Variants in PPP2R2C observed in about 807,000 individuals in gnomAD.
PPP2R2C encodes the protein protein phosphatase 2, regulatory subunit B, gamma.
Under a neutral mutation model 45.3 loss-of-function variants are expected in PPP2R2C, and 10 were observed. The observed-to-expected ratio is 0.22, with a 90% CI of 0.14 to 0.37. PPP2R2C has a LOEUF of 0.37. Among genes scored for constraint, PPP2R2C ranks in the 10% least tolerant of loss-of-function variants. The pLI is 1.00. For missense variants in PPP2R2C, 308 were observed against 619.7 expected, an observed-to-expected ratio of 0.50 and a Z score of 5.34; for synonymous variants, 257 against 245.4, an observed-to-expected ratio of 1.05 and a Z score of -0.44.
In PPP2R2C at chr4:6,329,266, C is replaced by T. The variant is rs1453968502; in HGVS notation, c.1048G>A (p.Asp350Asn). The T allele has an allele frequency of 6.2e-7, 1 of 1,613,866 alleles. No homozygotes were observed. The highest frequency in any genetic ancestry group is 8.5e-7 in the Non-Finnish European group (1 of 1,179,778). ...DKFECAWNGS[D>N]SVIMTGAYNN... ...CGGGCTGAGGTCAGGGCTTACCTGT[C>T]GCTCCCGTTCCAGGCACATTCAAAC... The change falls in exon 8 of 9, where the codon GAC becomes AAC. Residue 350 changes from aspartate (D) to asparagine (N), a missense_variant. Transcript: ENST00000382599. The surrounding 1 kb of genome is among the most constrained non-coding windows in gnomAD (Gnocchi z 5.8).
At chr4:6,510,990 C>CAA (rs1389589810) in intron 2 of PPP2R2C, among the ~76,000 whole-genome samples, 42 of 130,894 alleles carry the variant, frequency 3.2e-4, no homozygotes, top group Middle Eastern at 7.7e-3. Flanking sequence ...CAAAAAAAAA[C>CAA]AAACAAACAA....
chr4:6,412,456 C>G (rs904660991), intron 1 of PPP2R2C, among the ~76,000 whole-genome samples: 15 of 152,162 alleles, frequency 9.9e-5, no homozygotes, highest in Admixed American at 6.5e-5. Context: ...CTATTTCTAT[C>G]TCCCTGACAC....
chr4:6,413,260 C>T (rs969933132), intron 1 of PPP2R2C, among the ~76,000 whole-genome samples: 3 of 139,766 alleles, frequency 2.1e-5, no homozygotes, highest in East Asian at 3.1e-4. Flanking sequence ...GTCATGTACT[C>T]GCACACACAT....
chr4:6,420,950 C>T (rs1324248313), intron 1 of PPP2R2C: 5 of 985,236 alleles, frequency 5.1e-6, no homozygotes, highest in Non-Finnish European at 6.0e-6. Context: ...ACCTACCAGG[C>T]AGGCCTCAGA....
chr4:6,460,374 G>A (rs1333051133), intron 1 of PPP2R2C, among the ~76,000 whole-genome samples: 1 of 152,088 alleles, frequency 6.6e-6, no homozygotes, highest in African/African-American at 2.4e-5. Context: ...CAAGGAGAGG[G>A]GCCTCAGAAG....
chr4:6,503,877 C>T (rs1190677109), intron 2 of PPP2R2C, among the ~76,000 whole-genome samples: 1 of 151,930 alleles, frequency 6.6e-6, no homozygotes, highest in Non-Finnish European at 1.5e-5. Context: ...ACCAACCCTC[C>T]CACAAATAAC....
intron 1 of PPP2R2C, among the ~76,000 whole-genome samples, chr4:6,398,793 G>A (rs1051714557): frequency 3.9e-5 from 6 of 152,224 alleles, no homozygotes; most frequent in Non-Finnish European, 4.4e-5. Flanking sequence ...GCATACGTAC[G>A]TGTTCATAGC....
At chr4:6,535,887 T>G (rs935383529) in intron 1 of PPP2R2C, among the ~76,000 whole-genome samples, 4 of 152,234 alleles carry the variant, frequency 2.6e-5, no homozygotes, top group African/African-American at 9.6e-5. Flanking sequence ...GTGGCTCAGC[T>G]GAACTGTCGC....
At chr4:6,527,987 C>G (rs1356194587) in intron 2 of PPP2R2C, among the ~76,000 whole-genome samples, 1 of 152,242 alleles carries the variant, frequency 6.6e-6, no homozygotes, top group African/African-American at 2.4e-5. Flanking sequence ...ACGGTCCCAG[C>G]AACTCCACTT....
chr4:6,339,566 C>CGACA (rs1211279404), intron 6 of PPP2R2C, among the ~76,000 whole-genome samples: 1 of 152,240 alleles, frequency 6.6e-6, no homozygotes, highest in Non-Finnish European at 1.5e-5. Context: ...AGTGTGTGGA[C>CGACA]GACACTCCTC....
intron 8 of PPP2R2C, among the ~76,000 whole-genome samples, chr4:6,326,849 G>A (rs1330102167): frequency 5.3e-5 from 8 of 152,316 alleles, no homozygotes; most frequent in African/African-American, 1.9e-4. Context: ...GCCACCACGC[G>A]GCAGCAGCGG....
At chr4:6,397,517 A>G (rs1046844560) in intron 1 of PPP2R2C, among the ~76,000 whole-genome samples, 1 of 152,110 alleles carries the variant, frequency 6.6e-6, no homozygotes, top group Non-Finnish European at 1.5e-5. Context: ...CAGAAGTTGG[A>G]AAAGAGGCCT....
At chr4:6,529,439 A>G (rs4538552) in intron 2 of PPP2R2C, among the ~76,000 whole-genome samples, 120,217 of 152,224 alleles carry the variant, frequency 0.79, 49,365 homozygotes, top group East Asian at 1. Context: ...GCCAAGCTGC[A>G]TGGGCCCCAT....
At chr4:6,548,087 G>A (rs1485375871) in intron 1 of PPP2R2C, among the ~76,000 whole-genome samples, 1 of 152,048 alleles carries the variant, frequency 6.6e-6, no homozygotes, top group East Asian at 1.9e-4. Context: ...GCATGGTGGT[G>A]GGCACCTGTA....
At chr4:6,333,175 A>G (rs1732550707) in intron 7 of PPP2R2C, among the ~76,000 whole-genome samples, 1 of 152,180 alleles carries the variant, frequency 6.6e-6, no homozygotes, top group South Asian at 2.1e-4. Context: ...CTGGGAGGGC[A>G]ACGCTTAACC....
intron 2 of PPP2R2C, among the ~76,000 whole-genome samples, chr4:6,482,514 A>T (rs1413732768): frequency 6.6e-6 from 1 of 152,200 alleles, no homozygotes; most frequent in Non-Finnish European, 1.5e-5. Context: ...TACTGTAAAT[A>T]GGATTTGCCC....
intron 1 of PPP2R2C, among the ~76,000 whole-genome samples, chr4:6,446,751 T>C (rs1451650738): frequency 1.3e-5 from 2 of 152,156 alleles, no homozygotes; most frequent in African/African-American, 4.8e-5. Flanking sequence ...TCTCCCTGCT[T>C]GATGGAATCC....
chr4:6,415,928 C>T (rs1360565358), intron 1 of PPP2R2C, among the ~76,000 whole-genome samples: 1 of 152,194 alleles, frequency 6.6e-6, no homozygotes, highest in East Asian at 1.9e-4. Flanking sequence ...AAGTTTCTCT[C>T]AACTGGTCCA....
chr4:6,347,427 G>A (rs1712080943), intron 6 of PPP2R2C, among the ~76,000 whole-genome samples: 1 of 152,172 alleles, frequency 6.6e-6, no homozygotes, highest in Non-Finnish European at 1.5e-5. Flanking sequence ...GAGAAGATGG[G>A]CAGCCCACAG....
Sources: gnomAD v4.1 joint callset for allele counts (sites outside exome capture counted in the v4.1 genomes callset) on GRCh38, gnomAD v4.1.1 for gene constraint, Gnocchi (gnomAD v3.1) non-coding constraint, MANE v1.5 for transcripts, NCBI Gene and HGNC (gene_info 2026-07-23, HGNC 2026-07-21) for gene names.